The following ZNF536 variants were observed in gnomAD, a reference collection of about 807,000 sequenced individuals.
The protein encoded by ZNF536 is zinc finger protein 536.
ZNF536 carries 13 observed loss-of-function variants against 84.5 expected under a neutral mutation model. The observed-to-expected ratio is 0.15, with a 90% CI of 0.10 to 0.24. The LOEUF (loss-of-function observed/expected upper bound fraction) is 0.24. Among genes scored for constraint, ZNF536 ranks in the 10% least tolerant of loss-of-function variants. The pLI is 1.00. For synonymous variants in ZNF536, 811 were observed against 742.5 expected (o/e 1.09, Z -1.50); for missense variants, 1,536 against 1,747.5 (o/e 0.88, Z 2.16).
chr19:30,437,520 T>G lies in ZNF536; in HGVS notation c.-2-6041T>G, dbSNP rs181957217. On this transcript the variant is annotated intron_variant, in intron 1 of 4. Coordinates refer to ENST00000355537, the MANE Select transcript of ZNF536 (RefSeq NM_014717.3). The stretch of plus-strand genomic sequence containing the variant: ...CATTGTTCAAGAAGAAAACCTGTAA[T>G]GTTTGGAAGCCTTCACCCGGGGCCC... Among the ~76,000 whole-genome samples the G allele has an allele frequency of 4.9e-4, 74 of 152,222 alleles. 1 individual carries two copies. The East Asian group carries it at 8.7e-3, about 18-fold the overall frequency.
At chr19:30,480,430 C>T (rs1177948479) in intron 2 of ZNF536, among the ~76,000 whole-genome samples, 1 of 152,120 alleles carries the variant, frequency 6.6e-6, no homozygotes, top group Non-Finnish European at 1.5e-5. Flanking sequence ...CCATCATTCT[C>T]AGCAAACTAA....
At chr19:30,407,126 G>A (rs2050291705) in intron 1 of ZNF536, among the ~76,000 whole-genome samples, 1 of 152,178 alleles carries the variant, frequency 6.6e-6, no homozygotes, top group Non-Finnish European at 1.5e-5. Context: ...CAGGGAGCCA[G>A]CCCTACAACT....
intron 1 of ZNF536, among the ~76,000 whole-genome samples, chr19:30,234,241 T>G (rs912177919): frequency 6.6e-6 from 1 of 152,126 alleles, no homozygotes; most frequent in Admixed American, 6.5e-5. Context: ...TTACCTGAGC[T>G]GTGTTCAGTT....
rs377715617 is a variant in ZNF536, at chr19:30,548,622, C to T, written c.3003C>T (p.His1001=). 3.1e-5 allele frequency: 50 copies of T among 1,614,024 alleles called. No homozygotes were observed. Among genetic ancestry groups the T allele is most frequent in the African/African-American group, 1.6e-4 (12 of 74,930 alleles). Residue 1001 remains histidine (H), a synonymous_variant, in exon 4 of 5, where the codon CAC becomes CAT. Transcript: ENST00000355537. ...CTGTGCAGGACAGCATTGCATGGCA[C>T]GGCTGCTTGTTTTGTGCTTTCACAA... ...SVTVQDSIAW[H]GCLFCAFTTS...
chr19:30,560,023 T>C (rs994818783), downstream of ZNF536, among the ~76,000 whole-genome samples: 5 of 152,032 alleles, frequency 3.3e-5, no homozygotes, highest in Non-Finnish European at 7.4e-5. Context: ...ACTCACGCCG[T>C]ACACTCCCCC....
rs752428408 is a variant in ZNF536 at position 30,444,134 on chromosome 19, G to A, written c.572G>A (p.Arg191His). ...KLGNLGKGRG[R>H]VREENRLLHE... ...GGCAACCTGGGCAAGGGGCGTGGGC[G>A]TGTGCGCGAGGAGAACCGCCTGCTG... Residue 191 changes from arginine (R) to histidine (H), a missense_variant, in exon 2 of 5, where the codon CGT becomes CAT. By Grantham distance (29) the Arg-to-His change is conservative. This residue lies in a region of ZNF536 where 138 missense variants were observed against 136.8 expected (regional missense o/e 1.01). Transcript: ENST00000355537. 1.9e-6 allele frequency: 3 copies of A among 1,606,274 alleles called. No individual in the cohort carries two copies. Among genetic ancestry groups the A allele is most frequent in the Non-Finnish European group, 1.7e-6 (2 of 1,176,952 alleles).
chr19:30,552,987 G>A, intron 4 of ZNF536, among the ~76,000 whole-genome samples: 1 of 152,174 alleles, frequency 6.6e-6, no homozygotes, highest in East Asian at 1.9e-4. Context: ...TCTCATTATA[G>A]GAAATCCCAC....
chr19:30,530,831 G>A (rs923053287), intron 2 of ZNF536, among the ~76,000 whole-genome samples: 1 of 152,218 alleles, frequency 6.6e-6, no homozygotes, highest in African/African-American at 2.4e-5. Flanking sequence ...GGTAGAGAAG[G>A]AATCCAAGAG....
chr19:30,633,881 G>T (rs1424276687), intron 1 of ZNF536, among the ~76,000 whole-genome samples: 2 of 152,038 alleles, frequency 1.3e-5, no homozygotes, highest in Non-Finnish European at 2.9e-5. Context: ...GCCAATATTA[G>T]ATTTTAAACA....
At chr19:30,705,271 C>A (rs1216112343) in intron 1 of ZNF536, among the ~76,000 whole-genome samples, 1 of 152,040 alleles carries the variant, frequency 6.6e-6, no homozygotes, top group African/African-American at 2.4e-5. Flanking sequence ...TCTTCCACAT[C>A]AGTCTCATGG....
At chr19:30,335,348 A>G in intron 2 of ZNF536, among the ~76,000 whole-genome samples, 1 of 152,076 alleles carries the variant, frequency 6.6e-6, no homozygotes, top group East Asian at 1.9e-4. Flanking sequence ...TACATCTTTA[A>G]TCTCGATGAT....
intron 1 of ZNF536, among the ~76,000 whole-genome samples, chr19:30,407,745 A>G (rs1020824925): frequency 6.6e-5 from 10 of 152,154 alleles, no homozygotes; most frequent in African/African-American, 2.4e-4. Context: ...CTTGCATACC[A>G]TTTTGTGAAC....
intron 1 of ZNF536, among the ~76,000 whole-genome samples, chr19:30,637,897 T>C (rs1044159344): frequency 6.6e-6 from 1 of 152,126 alleles, no homozygotes; most frequent in African/African-American, 2.4e-5. Context: ...CGAGGGTTTT[T>C]TTGCAAAGCT....
chr19:30,615,615 A>G (rs1314113225), intron 1 of ZNF536, among the ~76,000 whole-genome samples: 1 of 151,374 alleles, frequency 6.6e-6, no homozygotes, highest in East Asian at 1.9e-4. Context: ...TGTGATATTT[A>G]ATCTTATTTT....
chr19:30,419,741 C>G (rs1166734169), intron 1 of ZNF536, among the ~76,000 whole-genome samples: 3 of 152,196 alleles, frequency 2.0e-5, no homozygotes, highest in Admixed American at 2.0e-4. Context: ...GCAGCACGCT[C>G]CGTCTCCTGA....
At chr19:30,500,380 A>G (rs1310880633) in intron 2 of ZNF536, among the ~76,000 whole-genome samples, 2 of 152,140 alleles carry the variant, frequency 1.3e-5, no homozygotes, top group Admixed American at 1.3e-4. Context: ...GCATAACTTC[A>G]GGCTCACTCC....
chr19:30,653,177 A>C (rs2049774133), intron 1 of ZNF536, among the ~76,000 whole-genome samples: 1 of 152,172 alleles, frequency 6.6e-6, no homozygotes, highest in Non-Finnish European at 1.5e-5. Context: ...TCTCATGTGC[A>C]ACCAGATCCC....
At chr19:30,313,931 G>C (rs542939512) in intron 2 of ZNF536, among the ~76,000 whole-genome samples, 3 of 152,214 alleles carry the variant, frequency 2.0e-5, no homozygotes, top group Admixed American at 1.3e-4. Context: ...GTAAAGAATA[G>C]AGGTTAGGCC....
chr19:30,364,910 T>C (rs573374280), intron 3 of ZNF536, among the ~76,000 whole-genome samples: 17 of 152,338 alleles, frequency 1.1e-4, no homozygotes, highest in Middle Eastern at 3.4e-3. Flanking sequence ...AATTAGCAGA[T>C]TCATCAGTTC....
Sources: allele counts gnomAD v4.1 joint callset (sites outside exome capture counted in the v4.1 genomes callset), GRCh38; gene constraint gnomAD v4.1.1; regional missense constraint gnomAD v4.1.1; transcripts MANE v1.5; gene names NCBI Gene and HGNC (gene_info 2026-07-23, HGNC 2026-07-21).